The following SMIM21 variants were observed in gnomAD, a reference collection of about 807,000 sequenced individuals.
The protein encoded by SMIM21 is small integral membrane protein 21, also known as chromosome 18 open reading frame 62.
In SMIM21, 8 loss-of-function variants were observed where a neutral mutation model predicts 8.6. The observed-to-expected ratio is 0.93, with a 90% CI of 0.55 to 1.68. SMIM21 has a LOEUF of 1.68. Ranked by LOEUF, SMIM21 falls within the 40% of genes most tolerant of loss-of-function variation. The pLI, the probability that SMIM21 is intolerant of heterozygous loss-of-function variation, is 0.00. For missense variants in SMIM21, 132 were observed against 123.0 expected (o/e 1.07, Z -0.35); for synonymous variants, 43 against 41.7 (o/e 1.03, Z -0.12).
chr18:75,424,376 C>A (rs1207313014), intron 1 of SMIM21, among the ~76,000 whole-genome samples: 1 of 152,118 alleles, frequency 6.6e-6, no homozygotes, highest in South Asian at 2.1e-4. Context: ...ATATAGAAAT[C>A]TGATGAATAA....
Position 75,427,653 on chromosome 18 carries a change from A to G in SMIM21, c.-90T>C. ...CTGGTGCTATAAGACCTGGTAACTA[A>G]GTTCCCAAGGAGCTTTTCTCTTCTT... On this transcript the variant is annotated 5_prime_UTR_variant, in exon 1 of 3. Coordinates refer to ENST00000579022, the MANE Select transcript of SMIM21 (RefSeq NM_001037331.3). 7.3e-7 allele frequency: 1 copy of G among 1,364,602 alleles called. No individual in the cohort carries two copies. The highest frequency in any genetic ancestry group is 1.9e-5 in the South Asian group (1 of 52,224). 84.5% of individuals were successfully genotyped at this position (1,364,602 alleles called of 1,614,324 possible).
intron 2 of SMIM21, chr18:75,417,675 A>T (rs1204977348): frequency 6.6e-6 from 1 of 152,220 alleles, no homozygotes; most frequent in East Asian, 1.9e-4. Flanking sequence ...GCTCTACCTC[A>T]TTTCCCAAGG....
chr18:75,422,205 T>C (rs1216176278), intron 1 of SMIM21, among the ~76,000 whole-genome samples: 1 of 152,146 alleles, frequency 6.6e-6, no homozygotes, highest in Non-Finnish European at 1.5e-5. Context: ...CGACCCCTTA[T>C]TCCTGAGACA....
intron 1 of SMIM21, among the ~76,000 whole-genome samples, chr18:75,421,953 A>G (rs918518293): frequency 1.3e-5 from 2 of 152,170 alleles, no homozygotes; most frequent in Admixed American, 1.3e-4. Flanking sequence ...TGGATCCCTG[A>G]AAACACCTCA....
intron 1 of SMIM21, among the ~76,000 whole-genome samples, chr18:75,426,562 G>A (rs527905594): frequency 1.4e-5 from 2 of 138,666 alleles, no homozygotes; most frequent in Non-Finnish European, 3.0e-5. Flanking sequence ...CCTCGCCTCG[G>A]CCTCCCAAAG....
rs2024780076 is a variant in SMIM21, at chr18:75,427,665, G to A, written c.-102C>T. On this transcript the variant is annotated 5_prime_UTR_variant, in exon 1 of 3. Coordinates refer to ENST00000579022, the MANE Select transcript of SMIM21 (RefSeq NM_001037331.3). ...GACCTGGTAACTAAGTTCCCAAGGA[G>A]CTTTTCTCTTCTTTGCCAACCTTGA... The A allele has an allele frequency of 1.6e-6, 2 of 1,286,932 alleles. No individual in the cohort carries two copies. The highest frequency in any genetic ancestry group is 4.9e-5 in the East Asian group (2 of 40,494). The allele number at this position is 1,286,932 out of a possible 1,614,324, so 79.7% of individuals were successfully genotyped here.
chr18:75,423,558 A>G (rs1043832252), intron 1 of SMIM21, among the ~76,000 whole-genome samples: 13 of 152,242 alleles, frequency 8.5e-5, no homozygotes, highest in African/African-American at 3.1e-4. Context: ...GGGATGTCCC[A>G]TGTAGCACAA....
intron 1 of SMIM21, 75 bp downstream of exon 1, chr18:75,427,360 G>A: frequency 6.8e-7 from 1 of 1,469,064 alleles, no homozygotes. Context: ...TGGGGCAAAA[G>A]AGTGCTTTGT....
In SMIM21 at chr18:75,427,552, A is replaced by G; in HGVS notation, c.12T>C (p.Tyr4=). Residue 4 remains tyrosine, a synonymous_variant, in exon 1 of 3, where the codon TAT becomes TAC. Transcript: ENST00000579022. MDQ[Y]VSTAPPRFPI... is the part of the protein sequence containing the mutation. ...GGAATCGGGGAGGAGCTGTGGACACATACTGGTCCATGTGGGGGCTGCGGC... is the reference window on the plus strand; with the variant it reads ...GGAATCGGGGAGGAGCTGTGGACACGTACTGGTCCATGTGGGGGCTGCGGC... 1 of 1,610,572 alleles carries G rather than the reference A, an allele frequency of 6.2e-7. No homozygotes were observed. The highest frequency in any genetic ancestry group is 8.5e-7 in the Non-Finnish European group (1 of 1,178,394).
intron 1 of SMIM21, among the ~76,000 whole-genome samples, chr18:75,420,284 GA>G (rs1326061357): frequency 6.6e-6 from 1 of 152,224 alleles, no homozygotes; most frequent in East Asian, 1.9e-4. Flanking sequence ...ATTCAAGAAG[GA>G]AAAGGAGAAA....
chr18:75,416,351 C>T (rs1283762792), intron 2 of SMIM21: 1 of 152,192 alleles, frequency 6.6e-6, no homozygotes, highest in Admixed American at 6.5e-5. Context: ...TATAAGTATT[C>T]TTTATCCCTT....
rs761714035 is a variant in SMIM21, at chr18:75,427,612, C to T, written c.-49G>A. On this transcript the variant is annotated 5_prime_UTR_variant, in exon 1 of 3. Transcript: ENST00000579022. ...TGAGAGGTCTCCTTGATGACAGCGA[C>T]TCTGAGGACACAGAGCTGGTGCTAT... 1 of 1,532,498 alleles carries T rather than the reference C, an allele frequency of 6.5e-7. No homozygotes were observed. The highest frequency in any genetic ancestry group is 8.8e-7 in the Non-Finnish European group (1 of 1,138,888). 94.9% of individuals were successfully genotyped at this position (1,532,498 alleles called of 1,614,324 possible). A position where few individuals can be genotyped will look rare whatever the true frequency, so the allele number is the denominator to read the frequency against.
rs375603293 is a variant in SMIM21, at chr18:75,411,905, C to G, written c.261-996G>C. ...TCTGCTCCCTTCATTTCTCCCTGCT[C>G]TATAGAAGGCATGCAGCAATACAAG... On this transcript the variant is annotated intron_variant, in intron 2 of 2. Coordinates refer to ENST00000579022, the MANE Select transcript of SMIM21 (RefSeq NM_001037331.3). 6.2e-4 allele frequency among the ~76,000 whole-genome samples: 95 copies of G among 152,298 alleles called. 1 individual carries two copies. The highest frequency in any genetic ancestry group is 1.8e-3 in the African/African-American group (74 of 41,558).
chr18:75,411,251 G>C (rs1225818445), intron 2 of SMIM21, among the ~76,000 whole-genome samples: 1 of 152,228 alleles, frequency 6.6e-6, no homozygotes, highest in African/African-American at 2.4e-5. Flanking sequence ...TCGAGTATAT[G>C]CGAACTCTGA....
chr18:75,427,361 A>C (rs1188348337), intron 1 of SMIM21, 74 bp downstream of exon 1: 3 of 1,469,822 alleles, frequency 2.0e-6, no homozygotes, highest in Non-Finnish European at 2.7e-6. Flanking sequence ...GGGGCAAAAG[A>C]GTGCTTTGTA....
chr18:75,421,434 C>T (rs1408478744), intron 1 of SMIM21, among the ~76,000 whole-genome samples: 3 of 152,022 alleles, frequency 2.0e-5, no homozygotes, highest in Admixed American at 6.6e-5. Flanking sequence ...TGGCTCCCAC[C>T]GTGAGATATG....
chr18:75,426,341 G>C (rs1326040647), intron 1 of SMIM21, among the ~76,000 whole-genome samples: 1 of 151,474 alleles, frequency 6.6e-6, no homozygotes, highest in Non-Finnish European at 1.5e-5. Flanking sequence ...ACAGAGTCTC[G>C]CTCTGTCACC....
Position 75,410,746 on chromosome 18 carries a change from T to C in SMIM21, c.*118A>G, listed in dbSNP as rs2024574655. On this transcript the variant is annotated 3_prime_UTR_variant, in exon 3 of 3. Coordinates refer to ENST00000579022, the MANE Select transcript of SMIM21 (RefSeq NM_001037331.3). Reference sequence around the variant, plus strand: ...CTTCATTCTCTCTGTGGAGCTCCTTTTAAAAAGTGAGCAATAATCTGCTAT... The same window carrying C: ...CTTCATTCTCTCTGTGGAGCTCCTTCTAAAAAGTGAGCAATAATCTGCTAT... 6.5e-7 allele frequency: 1 copy of C among 1,534,080 alleles called. No individual in the cohort carries two copies. Among genetic ancestry groups the C allele is most frequent in the Admixed American group, 2.1e-5 (1 of 47,008 alleles).
At chr18:75,422,238 A>G (rs1254067659) in intron 1 of SMIM21, among the ~76,000 whole-genome samples, 1 of 152,158 alleles carries the variant, frequency 6.6e-6, no homozygotes, top group Non-Finnish European at 1.5e-5. Context: ...GGAGAGGGAT[A>G]TGGGGAAGCA....
Sources: gnomAD v4.1 joint callset for allele counts (sites outside exome capture counted in the v4.1 genomes callset) on GRCh38, gnomAD v4.1.1 for gene constraint, MANE v1.5 for transcripts, NCBI Gene and HGNC (gene_info 2026-07-23, HGNC 2026-07-21) for gene names.